WDFY4: variants seen among roughly 807,000 people sequenced by gnomAD.
The protein encoded by WDFY4 is WDFY family member 4, also known as WD repeat- and FYVE domain-containing protein 4.
In WDFY4, 169 loss-of-function variants were observed where a neutral mutation model predicts 351.9. That is an observed-to-expected ratio of 0.48 (90% CI 0.42 to 0.55). The LOEUF is 0.55. WDFY4 is among the 20% of genes least tolerant of loss of function. The pLI is 0.00. For synonymous variants in WDFY4, 1,622 were observed against 1,574.6 expected (o/e 1.03, Z -0.71); for missense variants, 3,803 against 3,935.6 (o/e 0.97, Z 0.90).
chr10:48,922,457 T>A (rs72799384), intron 47 of WDFY4, among the ~76,000 whole-genome samples: 34,849 of 152,206 alleles, frequency 0.23, 4,896 homozygotes, highest in East Asian at 0.39. Flanking sequence ...AATCATATGC[T>A]GAGGTTGCTA....
intron 43 of WDFY4, among the ~76,000 whole-genome samples, chr10:48,885,400 G>A (rs2070413953): frequency 6.6e-6 from 1 of 152,226 alleles, no homozygotes; most frequent in Non-Finnish European, 1.5e-5. Flanking sequence ...ACAGGTTATG[G>A]TGAGCATTGT....
intron 13 of WDFY4, among the ~76,000 whole-genome samples, chr10:48,763,611 C>T (rs1476036137): frequency 6.6e-6 from 1 of 152,214 alleles, no homozygotes; most frequent in African/African-American, 2.4e-5. Flanking sequence ...GTCATCACAT[C>T]ACCATATGGG....
At chr10:48,834,271 G>GAA (rs574516702) in intron 39 of WDFY4, among the ~76,000 whole-genome samples, 1 of 148,360 alleles carries the variant, frequency 6.7e-6, no homozygotes, top group Non-Finnish European at 1.5e-5. Flanking sequence ...AGCTGAATCT[G>GAA]AAAAAAAAAA....
At chr10:48,797,449 G>C (rs1018294097) in intron 24 of WDFY4, among the ~76,000 whole-genome samples, 1 of 152,162 alleles carries the variant, frequency 6.6e-6, no homozygotes, top group Non-Finnish European at 1.5e-5. Flanking sequence ...CTATTACCAA[G>C]ACCTAGTTAA....
intron 11 of WDFY4, among the ~76,000 whole-genome samples, chr10:48,740,081 C>T (rs868110737): frequency 3.3e-5 from 5 of 152,286 alleles, no homozygotes; most frequent in African/African-American, 9.6e-5. Flanking sequence ...CTAACAGAAG[C>T]GCTTATTCAT....
At chr10:48,970,077 G>A in intron 56 of WDFY4, 54 bp from the exon 57 acceptor site, 1 of 1,534,110 alleles carries the variant, frequency 6.5e-7, no homozygotes, top group Non-Finnish European at 8.8e-7. Flanking sequence ...CTCTATCCTG[G>A]GCTCCTGTCC....
At chr10:48,854,200 C>T (rs1427564717) in intron 39 of WDFY4, among the ~76,000 whole-genome samples, 7 of 151,728 alleles carry the variant, frequency 4.6e-5, no homozygotes, top group East Asian at 1.9e-4. Context: ...ACTCTACCTC[C>T]GGGGTTCAAG....
At chr10:48,890,808 A>G in intron 44 of WDFY4, 81 bp downstream of exon 44, 1 of 1,521,956 alleles carries the variant, frequency 6.6e-7, no homozygotes, top group East Asian at 2.5e-5. Flanking sequence ...TCCCCTTCTC[A>G]CCTTGTTCTT....
chr10:48,910,352 T>C, intron 47 of WDFY4: 2 of 1,078,956 alleles, frequency 1.9e-6, no homozygotes, highest in Non-Finnish European at 2.9e-6. Context: ...ACCAAGGTCA[T>C]GCCTGACCTT....
chr10:48,857,950 C>T (rs985286711), intron 39 of WDFY4, among the ~76,000 whole-genome samples: 6 of 152,080 alleles, frequency 3.9e-5, no homozygotes, highest in African/African-American at 1.4e-4. Context: ...TGCCACCATG[C>T]CTGGCTAATT....
intron 5 of WDFY4, among the ~76,000 whole-genome samples, chr10:48,725,203 G>GACTA (rs2064226345): frequency 6.6e-6 from 1 of 152,214 alleles, no homozygotes; most frequent in Non-Finnish European, 1.5e-5. Flanking sequence ...GACTAGAAGG[G>GACTA]GAAAATGTCT....
intron 47 of WDFY4, chr10:48,913,929 C>CGG (rs752516542): frequency 1.9e-6 from 3 of 1,614,072 alleles, no homozygotes; most frequent in Non-Finnish European, 2.5e-6. Context: ...GTCCAGCCAC[C>CGG]GGAGGTTCTG....
chr10:48,814,475 C>T (rs953710307), intron 31 of WDFY4, among the ~76,000 whole-genome samples: 1 of 152,206 alleles, frequency 6.6e-6, no homozygotes, highest in African/African-American at 2.4e-5. Flanking sequence ...CCGCCAGCTA[C>T]AGGCAGGGCA....
intron 57 of WDFY4, among the ~76,000 whole-genome samples, chr10:48,971,260 G>T (rs1842324654): frequency 6.6e-6 from 1 of 152,162 alleles, no homozygotes; most frequent in African/African-American, 2.4e-5. Flanking sequence ...ACTTTGAGAG[G>T]CTGAGGTGGG....
intron 43 of WDFY4, among the ~76,000 whole-genome samples, chr10:48,880,937 G>A (rs970692703): frequency 7.9e-5 from 12 of 152,004 alleles, no homozygotes; most frequent in Non-Finnish European, 1.6e-4. Flanking sequence ...ACAGGCAGGG[G>A]TGGGGTAAAA....
chr10:48,916,862 T>C (rs1003428872), intron 47 of WDFY4, among the ~76,000 whole-genome samples: 7 of 137,246 alleles, frequency 5.1e-5, no homozygotes. Flanking sequence ...AAAGTCCTGC[T>C]TTAAAAATAT....
chr10:48,823,571 A>C (rs1418719881), intron 35 of WDFY4: 1 of 1,067,862 alleles, frequency 9.4e-7, no homozygotes, highest in Non-Finnish European at 1.1e-6. Flanking sequence ...CTTGAATTCA[A>C]AGGCTTCTTC....
rs1279077750 is a variant in WDFY4 at position 48,805,999 on chromosome 10, T to C, written c.4647-5T>C. ...GAGCCTGTCCTTCTCTCCCTGTGTA[T>C]AAAGGATTGGGCTGTTTGTTGTGTA... On this transcript the variant is annotated splice_region_variant and splice_polypyrimidine_tract_variant and intron_variant, in intron 26 of 61. Coordinates refer to ENST00000325239, the MANE Select transcript of WDFY4 (RefSeq NM_001394531.1). 1 of 1,551,534 alleles carries C rather than the reference T, an allele frequency of 6.4e-7. No homozygotes were observed. Among genetic ancestry groups the C allele is most frequent in the Non-Finnish European group, 8.7e-7 (1 of 1,146,948 alleles).
At chr10:48,787,986 C>CTTCTTCTTCTT (rs2066541964) in intron 20 of WDFY4, among the ~76,000 whole-genome samples, 3 of 65,448 alleles carry the variant, frequency 4.6e-5, no homozygotes, top group Non-Finnish European at 9.1e-5. Context: ...TTCTTCTTCT[C>CTTCTTCTTCTT]CTTCTCCTTC....
Sources: allele counts gnomAD v4.1 joint callset (sites outside exome capture counted in the v4.1 genomes callset), GRCh38; gene constraint gnomAD v4.1.1; transcripts MANE v1.5; gene names NCBI Gene and HGNC (gene_info 2026-07-23, HGNC 2026-07-21).